SOX5: variants seen among roughly 807,000 people sequenced by gnomAD.
SOX5 encodes SRY-box transcription factor 5.
A neutral mutation model predicts 92.0 loss-of-function variants in SOX5; 9 were observed. The observed-to-expected ratio is 0.10, with a 90% CI of 0.06 to 0.17. The LOEUF is 0.17. Ranked by LOEUF, SOX5 falls within the 10% of genes least tolerant of loss-of-function variation. The pLI is 1.00. For missense variants in SOX5, 642 were observed against 944.5 expected, an observed-to-expected ratio of 0.68 and a Z score of 4.20; for synonymous variants, 344 against 336.3, an observed-to-expected ratio of 1.02 and a Z score of -0.25.
intron 3 of SOX5, among the ~76,000 whole-genome samples, chr12:24,247,352 G>A (rs545968658): frequency 0.013 from 2,055 of 152,312 alleles, 52 homozygotes; most frequent in African/African-American, 0.046. Flanking sequence ...ACTGCAGAGT[G>A]AGGGAAGGTT....
chr12:24,352,163 G>T (rs544936244), intron 2 of SOX5, among the ~76,000 whole-genome samples: 1 of 152,104 alleles, frequency 6.6e-6, no homozygotes, highest in Non-Finnish European at 1.5e-5. Flanking sequence ...GAATGGGCAG[G>T]TGTTTTCACA....
At chr12:24,280,395 C>T (rs1486789000) in intron 2 of SOX5, among the ~76,000 whole-genome samples, 1 of 152,092 alleles carries the variant, frequency 6.6e-6, no homozygotes, top group Non-Finnish European at 1.5e-5. Flanking sequence ...TTTGACGGGT[C>T]TCTGTTTCAT....
intron 11 of SOX5, among the ~76,000 whole-genome samples, chr12:23,560,128 C>G (rs1255510353): frequency 6.6e-6 from 1 of 152,114 alleles, no homozygotes; most frequent in Non-Finnish European, 1.5e-5. Context: ...CCAGGCTGGT[C>G]TCGAGCTCCT....
chr12:23,953,120 T>A (rs1197056146), upstream of SOX5, among the ~76,000 whole-genome samples: 1 of 152,162 alleles, frequency 6.6e-6, no homozygotes, highest in African/African-American at 2.4e-5. Flanking sequence ...ATAAAAGTTT[T>A]CTTTCATTTG....
chr12:24,220,219 C>A, intron 3 of SOX5, among the ~76,000 whole-genome samples: 1 of 151,662 alleles, frequency 6.6e-6, no homozygotes, highest in Non-Finnish European at 1.5e-5. Context: ...ATAGTATCAT[C>A]ATTATCATCA....
chr12:24,225,496 C>CT lies in SOX5; in HGVS notation c.-76-12080_-76-12079insA, dbSNP rs1199076090. 1.9e-4 allele frequency among the ~76,000 whole-genome samples: 27 copies of CT among 143,326 alleles called. No homozygotes were observed. In the East Asian group the frequency reaches 5.4e-3, roughly 29 times the overall value. The allele number at this position is 143,326 out of a possible 152,430, so 94.0% of individuals were successfully genotyped here. ...TATCAGAGGTTTTTTTTTTTTTTCC[C>CT]CACTTAGAGTTACATTTCATTTTCT... On this transcript the variant is annotated intron_variant, in intron 3 of 4. Transcript: ENST00000446891.
intron 11 of SOX5, among the ~76,000 whole-genome samples, chr12:23,556,786 C>A (rs905190078): frequency 5.9e-5 from 9 of 152,154 alleles, no homozygotes; most frequent in African/African-American, 1.7e-4. Flanking sequence ...AAAGCAAAAC[C>A]TGTAATTCAC....
intron 4 of SOX5, among the ~76,000 whole-genome samples, chr12:24,087,758 G>C (rs1343477236): frequency 1.4e-5 from 2 of 139,790 alleles, no homozygotes; most frequent in Non-Finnish European, 3.2e-5. Context: ...TCTAGGAGCA[G>C]ATTGTTAAAC....
At chr12:23,614,545 T>G (rs1251673137) in intron 8 of SOX5, among the ~76,000 whole-genome samples, 1 of 152,242 alleles carries the variant, frequency 6.6e-6, no homozygotes, top group Non-Finnish European at 1.5e-5. Context: ...TGTATAATAT[T>G]TGTTTATCCA....
intron 4 of SOX5, among the ~76,000 whole-genome samples, chr12:23,752,606 G>T (rs1240765066): frequency 1.3e-5 from 2 of 151,728 alleles, no homozygotes; most frequent in Non-Finnish European, 2.9e-5. Context: ...TGTGACTATT[G>T]GTTGCCAGCC....
intron 4 of SOX5, among the ~76,000 whole-genome samples, chr12:24,008,413 T>C (rs1219493336): frequency 6.6e-6 from 1 of 151,996 alleles, no homozygotes; most frequent in Non-Finnish European, 1.5e-5. Flanking sequence ...ACACAACAGG[T>C]TTAACAGATA....
intron 2 of SOX5, among the ~76,000 whole-genome samples, chr12:24,319,566 C>T (rs1950017797): frequency 6.6e-6 from 1 of 152,178 alleles, no homozygotes; most frequent in Non-Finnish European, 1.5e-5. Flanking sequence ...TCTCCAAGCC[C>T]TCTTCATATG....
chr12:24,213,299 A>T (rs1024908207), intron 4 of SOX5: 3 of 151,954 alleles, frequency 2.0e-5, no homozygotes, highest in African/African-American at 7.2e-5. Context: ...TGTAAAACTG[A>T]TGGCAAAAGA....
intron 9 of SOX5, among the ~76,000 whole-genome samples, chr12:23,596,924 G>A (rs970167905): frequency 1.3e-5 from 2 of 152,002 alleles, no homozygotes; most frequent in African/African-American, 4.8e-5. Flanking sequence ...CTTTCTTATT[G>A]TCCTGTTTTT....
At chr12:24,216,409 G>A (rs1959171426) in intron 3 of SOX5, among the ~76,000 whole-genome samples, 3 of 152,088 alleles carry the variant, frequency 2.0e-5, no homozygotes, top group Non-Finnish European at 2.9e-5. Context: ...GCGTGAACCC[G>A]GGAGGCGGGG....
At chr12:23,974,207 C>CA (rs1320409374) in intron 4 of SOX5, among the ~76,000 whole-genome samples, 1 of 152,112 alleles carries the variant, frequency 6.6e-6, no homozygotes, top group African/African-American at 2.4e-5. Context: ...AGAAATCACG[C>CA]AAAGCAAAAC....
At chr12:23,729,330 C>T (rs1328444092) in intron 6 of SOX5, among the ~76,000 whole-genome samples, 2 of 152,140 alleles carry the variant, frequency 1.3e-5, no homozygotes, top group East Asian at 1.9e-4. Context: ...AGTTCAGGTT[C>T]ATCTTATTCC....
At chr12:24,008,860 G>A (rs1248986171) in intron 4 of SOX5, among the ~76,000 whole-genome samples, 1 of 152,028 alleles carries the variant, frequency 6.6e-6, no homozygotes, top group Non-Finnish European at 1.5e-5. Context: ...TTGTGTGTTG[G>A]CCCTGTGACT....
At chr12:23,773,560 C>T (rs2095004224) in intron 3 of SOX5, among the ~76,000 whole-genome samples, 1 of 152,006 alleles carries the variant, frequency 6.6e-6, no homozygotes, top group South Asian at 2.1e-4. Context: ...TTAGTAGAGA[C>T]AGGGTTTTAC....
Sources: allele counts gnomAD v4.1 joint callset (sites outside exome capture counted in the v4.1 genomes callset), GRCh38; gene constraint gnomAD v4.1.1; transcripts MANE v1.5; gene names NCBI Gene and HGNC (gene_info 2026-07-23, HGNC 2026-07-21).